ZFHX3: variants seen among roughly 807,000 people sequenced by gnomAD.
ZFHX3 encodes zinc finger homeobox protein 3.
Under a neutral mutation model 279.1 loss-of-function variants are expected in ZFHX3, and 42 were observed. That is an observed-to-expected ratio of 0.15 (90% confidence interval 0.12 to 0.19). ZFHX3 has a LOEUF of 0.19. Among genes scored for constraint, ZFHX3 ranks in the 10% least tolerant of loss-of-function variants. ZFHX3 has a pLI of 1.00. For synonymous variants in ZFHX3, 2,293 were observed against 1,957.8 expected, an observed-to-expected ratio of 1.17 and a Z score of -4.52; for missense variants, 4,981 against 4,754.0, an observed-to-expected ratio of 1.05 and a Z score of -1.40.
At chr16:73,860,673 C>G (rs1371655206) in intron 1 of ZFHX3, among the ~76,000 whole-genome samples, 2 of 152,216 alleles carry the variant, frequency 1.3e-5, no homozygotes, top group Admixed American at 1.3e-4. Context: ...ACTTCACCTT[C>G]CTTCGGCCTG....
At chr16:73,225,094 T>C (rs2012551280) in intron 5 of ZFHX3, among the ~76,000 whole-genome samples, 1 of 152,214 alleles carries the variant, frequency 6.6e-6, no homozygotes, top group Non-Finnish European at 1.5e-5. Flanking sequence ...GTACTGGCTA[T>C]ATATTTTTAT....
intron 3 of ZFHX3, among the ~76,000 whole-genome samples, chr16:73,366,588 CA>C (rs61090242): frequency 0.61 from 73,933 of 121,706 alleles, 22,801 homozygotes; most frequent in Non-Finnish European, 0.73. Context: ...AAACCAAAAC[CA>C]AAAAAAAAAA....
chr16:72,980,238 G>A (rs534143625), intron 1 of ZFHX3, among the ~76,000 whole-genome samples: 3 of 152,272 alleles, frequency 2.0e-5, no homozygotes, highest in South Asian at 2.1e-4. Flanking sequence ...AAGCTACTCC[G>A]CATCATCCTT....
At chr16:73,327,568 C>A (rs1218311370) in intron 3 of ZFHX3, among the ~76,000 whole-genome samples, 1 of 152,234 alleles carries the variant, frequency 6.6e-6, no homozygotes. Flanking sequence ...TGGCACCTGG[C>A]AGATGAATGA....
At chr16:73,704,908 G>C (rs2142220325) in intron 1 of ZFHX3, among the ~76,000 whole-genome samples, 1 of 152,274 alleles carries the variant, frequency 6.6e-6, no homozygotes, top group East Asian at 1.9e-4. Context: ...GTATTGTGCT[G>C]GCAACGGGTT....
At chr16:72,916,638 T>C (rs1341903165) in intron 3 of ZFHX3, among the ~76,000 whole-genome samples, 4 of 152,158 alleles carry the variant, frequency 2.6e-5, no homozygotes, top group Non-Finnish European at 5.9e-5. Flanking sequence ...CAGTTCTGTA[T>C]GGCCCCAAGA....
chr16:73,252,915 A>AG (rs1176183261), intron 5 of ZFHX3, among the ~76,000 whole-genome samples: 3 of 152,178 alleles, frequency 2.0e-5, no homozygotes, highest in African/African-American at 7.2e-5. Flanking sequence ...GTCCAAAGAG[A>AG]GGGGAGCTTA....
At chr16:73,591,921 G>C (rs190440859) in intron 2 of ZFHX3, among the ~76,000 whole-genome samples, 1 of 151,842 alleles carries the variant, frequency 6.6e-6, no homozygotes, top group East Asian at 1.9e-4. Context: ...TGAACTGTTG[G>C]TGTGGCTATA....
intron 2 of ZFHX3, among the ~76,000 whole-genome samples, chr16:73,651,739 C>T (rs943221703): frequency 1.4e-5 from 2 of 146,862 alleles, no homozygotes; most frequent in African/African-American, 5.0e-5. Flanking sequence ...CCTGTAGTCC[C>T]AGCTACTCGG....
chr16:73,130,823 G>T (rs952435269), intron 7 of ZFHX3: 18 of 489,966 alleles, frequency 3.7e-5, no homozygotes, highest in Middle Eastern at 8.0e-4. Flanking sequence ...GGCCAGGCTG[G>T]TCTCGAACTC....
intron 8 of ZFHX3, among the ~76,000 whole-genome samples, chr16:73,078,084 C>T (rs1009084863): frequency 3.3e-5 from 5 of 152,160 alleles, no homozygotes; most frequent in Non-Finnish European, 7.3e-5. Flanking sequence ...GGACTACAGG[C>T]GTGAGCCACT....
At chr16:73,541,783 TCTC>T (rs150475439) in intron 2 of ZFHX3, among the ~76,000 whole-genome samples, 2 of 132,142 alleles carry the variant, frequency 1.5e-5, no homozygotes, top group East Asian at 2.0e-4. Flanking sequence ...GTTTGGTGGT[TCTC>T]TTTTTTTTTT....
intron 1 of ZFHX3, among the ~76,000 whole-genome samples, chr16:73,791,395 A>G (rs1208797532): frequency 6.6e-6 from 1 of 152,044 alleles, no homozygotes; most frequent in African/African-American, 2.4e-5. Context: ...ACCCGGGCCC[A>G]GAATTTGCAT....
chr16:73,011,907 A>G (rs1165843260), intron 1 of ZFHX3, among the ~76,000 whole-genome samples: 1 of 152,162 alleles, frequency 6.6e-6, no homozygotes, highest in African/African-American at 2.4e-5. Flanking sequence ...CTGGGGCACC[A>G]GGTAAGTTTC....
chr16:73,820,787 C>T (rs2142348351), intron 1 of ZFHX3, among the ~76,000 whole-genome samples: 1 of 151,906 alleles, frequency 6.6e-6, no homozygotes, highest in East Asian at 1.9e-4. Context: ...TTCTATGAAG[C>T]TAAAGACAAA....
chr16:73,801,837 C>G (rs775765792), intron 1 of ZFHX3, among the ~76,000 whole-genome samples: 2 of 152,220 alleles, frequency 1.3e-5, no homozygotes, highest in Admixed American at 6.5e-5. Context: ...ACAACATGCT[C>G]TGCAACTTGG....
At chr16:73,871,928 C>T (rs2029862867) in intron 1 of ZFHX3, among the ~76,000 whole-genome samples, 1 of 152,198 alleles carries the variant, frequency 6.6e-6, no homozygotes, top group African/African-American at 2.4e-5. Context: ...GACATACTCC[C>T]TGAAAATTAT....
intron 3 of ZFHX3, chr16:73,400,270 G>C (rs1055017149): frequency 2.6e-5 from 4 of 152,306 alleles, no homozygotes; most frequent in Middle Eastern, 6.8e-3. Context: ...AAGGTGGCAG[G>C]TCTGAGCAAA....
At chr16:73,694,368 G>T (rs1240872182) in intron 1 of ZFHX3, among the ~76,000 whole-genome samples, 2 of 151,880 alleles carry the variant, frequency 1.3e-5, no homozygotes, top group Non-Finnish European at 2.9e-5. Context: ...TTTTGAGATG[G>T]AGTCTTGCTC....
Sources: allele counts gnomAD v4.1 joint callset (sites outside exome capture counted in the v4.1 genomes callset), GRCh38; gene constraint gnomAD v4.1.1; transcripts MANE v1.5; gene names NCBI Gene and HGNC (gene_info 2026-07-23, HGNC 2026-07-21).